The following SUCO variants were observed in gnomAD, a reference collection of about 807,000 sequenced individuals.
SUCO encodes SUN domain-containing ossification factor.
SUCO carries 57 observed loss-of-function variants against 148.1 expected under a neutral mutation model. That is an observed-to-expected ratio of 0.38 (90% CI 0.31 to 0.48). The LOEUF is 0.48. SUCO is among the 20% of genes least tolerant of loss of function. SUCO has a pLI of 0.96. For missense variants in SUCO, 1,331 were observed against 1,468.2 expected (o/e 0.91, Z 1.53); for synonymous variants, 470 against 502.7 (o/e 0.93, Z 0.87).
intron 1 of SUCO, among the ~76,000 whole-genome samples, chr1:172,536,299 C>T (rs578094804): frequency 6.6e-6 from 1 of 152,270 alleles, no homozygotes; most frequent in Non-Finnish European, 1.5e-5. Context: ...GTGGCTCCAT[C>T]ATTTACTAGA....
chr1:172,548,044 A>G (rs1028403412), intron 1 of SUCO, among the ~76,000 whole-genome samples: 1 of 152,028 alleles, frequency 6.6e-6, no homozygotes, highest in Non-Finnish European at 1.5e-5. Context: ...TACTCTTCTG[A>G]AATTTGAAAT....
chr1:172,555,079 A>G (rs1653627769), intron 3 of SUCO, among the ~76,000 whole-genome samples: 1 of 152,068 alleles, frequency 6.6e-6, no homozygotes. Context: ...ATATTCATTT[A>G]TTGAGCATTT....
intron 20 of SUCO, among the ~76,000 whole-genome samples, chr1:172,600,597 T>C (rs983360740): frequency 6.6e-6 from 1 of 152,106 alleles, no homozygotes; most frequent in African/African-American, 2.4e-5. Context: ...GTCCCTGGCC[T>C]CACAGGGTTT....
chr1:172,591,332 G>C (rs1462632369), intron 19 of SUCO, among the ~76,000 whole-genome samples: 1 of 151,720 alleles, frequency 6.6e-6, no homozygotes, highest in African/African-American at 2.4e-5. Flanking sequence ...GTGCAAGTTT[G>C]TTACATATGT....
intron 6 of SUCO, among the ~76,000 whole-genome samples, chr1:172,563,436 T>C (rs914532067): frequency 2.4e-4 from 37 of 152,234 alleles, no homozygotes; most frequent in African/African-American, 8.9e-4. Context: ...CAGAGGTGAC[T>C]CTTGCTGTGA....
At chr1:172,568,305 T>TTACCCC in intron 6 of SUCO, 3 of 905,996 alleles carry the variant, frequency 3.3e-6, no homozygotes, top group Non-Finnish European at 4.0e-6. Context: ...ATTCTTTGCT[T>TTACCCC]CCCACCCACC....
intron 13 of SUCO, 128 bp downstream of exon 13, chr1:172,577,947 A>G (rs1655575735): frequency 3.0e-6 from 2 of 662,282 alleles, no homozygotes; most frequent in African/African-American, 3.7e-5. Flanking sequence ...AAACTGTGAA[A>G]CCTTTCTTTT....
intron 19 of SUCO, among the ~76,000 whole-genome samples, chr1:172,596,176 C>T (rs1467197177): frequency 3.9e-5 from 6 of 152,122 alleles, no homozygotes; most frequent in Non-Finnish European, 7.4e-5. Context: ...GTTAGCCATT[C>T]GTCTAATCTT....
upstream of SUCO, chr1:172,532,797 G>A: frequency 6.2e-7 from 1 of 1,608,370 alleles, no homozygotes; most frequent in South Asian, 1.1e-5. Flanking sequence ...GAGGGACGAA[G>A]GGCGGTCCAC....
intron 22 of SUCO, chr1:172,603,274 C>T (rs1477569878): frequency 6.5e-6 from 1 of 153,194 alleles, no homozygotes; most frequent in Non-Finnish European, 1.5e-5. Flanking sequence ...TAAATACTTA[C>T]ATTTAAATGA....
chr1:172,539,893 CTG>C (rs1266568462), intron 1 of SUCO, among the ~76,000 whole-genome samples: 1 of 152,114 alleles, frequency 6.6e-6, no homozygotes, highest in Non-Finnish European at 1.5e-5. Flanking sequence ...GACTTGAGCT[CTG>C]TATATAAGCT....
At chr1:172,579,472 A>G (rs1396022279) in intron 15 of SUCO, among the ~76,000 whole-genome samples, 2 of 152,106 alleles carry the variant, frequency 1.3e-5, no homozygotes, top group Non-Finnish European at 2.9e-5. Flanking sequence ...TGCAATCGTA[A>G]TAAAGGTGTT....
chr1:172,539,700 C>G (rs896447215), intron 1 of SUCO, among the ~76,000 whole-genome samples: 3 of 152,162 alleles, frequency 2.0e-5, no homozygotes, highest in African/African-American at 7.2e-5. Flanking sequence ...AGAACAGTGC[C>G]TCACTCGTAG....
intron 21 of SUCO, chr1:172,602,428 A>G (rs3830150): frequency 0.26 from 253,051 of 979,738 alleles, 33,615 homozygotes; most frequent in Middle Eastern, 0.37. Context: ...CACTAATAGT[A>G]AGTGCATGAA....
Position 172,610,889 on chromosome 1 carries a change from GTTAT to G in SUCO, c.*633_*636del, listed in dbSNP as rs1658173436. 4 of 152,646 alleles carry G rather than the reference GTTAT, an allele frequency of 2.6e-5. No individual in the cohort carries two copies. The highest frequency in any genetic ancestry group is 2.6e-4 in the Admixed American group (4 of 15,286). The allele number at this position is 152,646 out of a possible 1,614,324, so 9.5% of individuals were successfully genotyped here. ...CTGTTAGGTAGATGGTGATGCTCTT[GTTAT>G]TTTCACTTATTCAGACTGGATTACT... is the stretch of plus-strand genomic sequence containing the variant. On this transcript the variant is annotated 3_prime_UTR_variant, in exon 24 of 24. Coordinates refer to ENST00000263688, the MANE Select transcript of SUCO (RefSeq NM_014283.5).
At chr1:172,604,097 A>G (rs1657702505) in intron 22 of SUCO, among the ~76,000 whole-genome samples, 2 of 151,892 alleles carry the variant, frequency 1.3e-5, no homozygotes, top group Non-Finnish European at 2.9e-5. Flanking sequence ...TGAGAGTTAC[A>G]GTTACTTCAT....
At chr1:172,558,595 T>C (rs1330825649) in intron 6 of SUCO, among the ~76,000 whole-genome samples, 1 of 152,220 alleles carries the variant, frequency 6.6e-6, no homozygotes, top group Non-Finnish European at 1.5e-5. Context: ...TACGACTAAC[T>C]AAACTTCATT....
At chr1:172,599,164 C>T (rs994080349) in intron 19 of SUCO, among the ~76,000 whole-genome samples, 1 of 152,164 alleles carries the variant, frequency 6.6e-6, no homozygotes, top group African/African-American at 2.4e-5. Flanking sequence ...CCCGTCTCTA[C>T]TAAAAATACA....
chr1:172,533,262 CAGAG>C lies in SUCO; in HGVS notation c.-171_-168del. ...CCTGTCCGCGCCTCTGTGGGGCCCT[CAGAG>C]AGGGCTGCCAGGACGCGAGCCACTG... is the stretch of plus-strand genomic sequence containing the variant. On this transcript the variant is annotated 5_prime_UTR_variant, in exon 1 of 24. Coordinates refer to ENST00000263688, the MANE Select transcript of SUCO (RefSeq NM_014283.5). 6.5e-7 allele frequency: 1 copy of C among 1,549,124 alleles called. No homozygotes were observed.
Sources: gnomAD v4.1 joint callset for allele counts (sites outside exome capture counted in the v4.1 genomes callset) on GRCh38, gnomAD v4.1.1 for gene constraint, MANE v1.5 for transcripts, NCBI Gene and HGNC (gene_info 2026-07-23, HGNC 2026-07-21) for gene names.